The following MAP3K6 variants were observed in gnomAD, a reference collection of about 807,000 sequenced individuals.
The protein encoded by MAP3K6 is mitogen-activated protein kinase kinase kinase 6.
MAP3K6 carries 105 observed loss-of-function variants against 147.1 expected under a neutral mutation model. The observed-to-expected ratio is 0.71, with a 90% CI of 0.61 to 0.84. MAP3K6 has a LOEUF of 0.84. Ranked by LOEUF, MAP3K6 falls within the 40% of genes least tolerant of loss-of-function variation. The probability of loss-of-function intolerance (pLI) is 0.00; values close to 1 mark genes in which losing one functional copy is unlikely to be tolerated. For synonymous variants in MAP3K6, 695 were observed against 732.4 expected (o/e 0.95, Z 0.82); for missense variants, 1,569 against 1,715.0 (o/e 0.91, Z 1.50).
chr1:27,355,992 G>A, intron 27 of MAP3K6, 34 bp downstream of exon 27: 1 of 1,598,866 alleles, frequency 6.3e-7, no homozygotes, highest in Non-Finnish European at 8.6e-7. Flanking sequence ...TTTGGCTGGT[G>A]AGGTCAGGGA....
At position 27,366,498 on chromosome 1, in the gene MAP3K6, G is replaced by A. The variant is rs2148063874; in HGVS notation, c.100C>T (p.Pro34Ser). Residue 34 changes from proline (P) to serine (S), a missense_variant, in exon 1 of 29, where the codon CCC becomes TCC. Coordinates refer to ENST00000357582, the MANE Select transcript of MAP3K6 (RefSeq NM_004672.5). This position sits in a 1 kb window ranked among gnomAD's most constrained non-coding sequence, Gnocchi z 5.5. ...CTCCGCGCGCAGCCCCGGCCCGGGGGCGCCGCGAGCTGCCGGCCCCGGCTC... is the reference window on the plus strand; with the variant it reads ...CTCCGCGCGCAGCCCCGGCCCGGGGACGCCGCGAGCTGCCGGCCCCGGCTC... ...ALSRGRQLAAPPGRGCARSRP... is the reference protein window; with the variant it reads ...ALSRGRQLAASPGRGCARSRP... 3 of 1,123,426 alleles carry A rather than the reference G, an allele frequency of 2.7e-6. No homozygotes were observed. The highest frequency in any genetic ancestry group is 5.0e-5 in the Admixed American group (1 of 20,186). The allele number at this position is 1,123,426 out of a possible 1,614,324, so 69.6% of individuals were successfully genotyped here.
In MAP3K6 at chr1:27,358,477, C is replaced by T; in HGVS notation, c.2718G>A (p.Leu906=). 1.3e-6 allele frequency: 2 copies of T among 1,595,606 alleles called. No homozygotes were observed. Among genetic ancestry groups the T allele is most frequent in the Non-Finnish European group, 1.7e-6 (2 of 1,174,834 alleles). Residue 906 remains leucine (L), a synonymous_variant, in exon 20 of 29, where the codon CTG becomes CTA. Coordinates refer to ENST00000357582, the MANE Select transcript of MAP3K6 (RefSeq NM_004672.5). This position sits in a 1 kb window ranked among gnomAD's most constrained non-coding sequence, Gnocchi z 6.2. Reference sequence around the variant, plus strand: ...GGCTGCGGCTCCTTTTCCCAGGCTGCAGGAAGGGGTCCCCCAGCAGTGTCT... The same window carrying T: ...GGCTGCGGCTCCTTTTCCCAGGCTGTAGGAAGGGGTCCCCCAGCAGTGTCT... ...SAQTLLGDPF[L]QPGKRSRSPS...
Position 27,357,436 on chromosome 1 carries a change from C to G in MAP3K6, c.3222G>C (p.Ala1074=). The change falls in exon 23 of 29, where the codon GCG becomes GCC. Residue 1074 remains alanine, a synonymous_variant. Coordinates refer to ENST00000357582, the MANE Select transcript of MAP3K6 (RefSeq NM_004672.5). ...GRLRAQGLGP[A]LLHRPLFAFP... ...AGGCAAACAGCGGTCTGTGCAGAAG[C>G]GCAGGCCCAAGGCCCTGGGCCCTCA... is the stretch of plus-strand genomic sequence containing the variant. 2 of 1,612,522 alleles carry G rather than the reference C, an allele frequency of 1.2e-6. No individual in the cohort carries two copies. The highest frequency in any genetic ancestry group is 2.2e-5 in the South Asian group (2 of 90,992).
chr1:27,362,640 C>G lies in MAP3K6; in HGVS notation c.1255+1G>C. 5 of 1,576,222 alleles carry G rather than the reference C, an allele frequency of 3.2e-6. No individual in the cohort carries two copies. The highest frequency in any genetic ancestry group is 4.3e-6 in the Non-Finnish European group (5 of 1,158,898). ...AGACAAGAGCCAGGATCTGTGCTCACCTATTAGCCGGAGCTCTTTGGAATC... is the reference window on the plus strand; with the variant it reads ...AGACAAGAGCCAGGATCTGTGCTCAGCTATTAGCCGGAGCTCTTTGGAATC... On this transcript the variant is annotated splice_donor_variant, in intron 8 of 28. Coordinates refer to ENST00000357582, the MANE Select transcript of MAP3K6 (RefSeq NM_004672.5). LOFTEE classifies it high-confidence loss of function.
In MAP3K6 at chr1:27,361,780, G is replaced by A; in HGVS notation, c.1503C>T (p.Ala501=). ...GTAGCAAGAAGTGGAGCCAGAAGTG[G>A]GCACGGCGTGGTGGCCCTCCAGGGG... ...PEPPGGPPRR[A]HFWLHFLLQS... is the part of the protein sequence containing the mutation. Residue 501 remains alanine, a synonymous_variant, in exon 10 of 29, where the codon GCC becomes GCT. Coordinates refer to ENST00000357582, the MANE Select transcript of MAP3K6 (RefSeq NM_004672.5). 6.2e-7 allele frequency: 1 copy of A among 1,612,446 alleles called. No individual in the cohort carries two copies. Among genetic ancestry groups the A allele is most frequent in the Non-Finnish European group, 8.5e-7 (1 of 1,179,264 alleles).
In MAP3K6 at chr1:27,363,946, T is replaced by A; in HGVS notation, c.835A>T (p.Asn279Tyr). 1 of 1,606,220 alleles carries A rather than the reference T, an allele frequency of 6.2e-7. No homozygotes were observed. The highest frequency in any genetic ancestry group is 8.5e-7 in the Non-Finnish European group (1 of 1,178,308). Reference sequence around the variant, plus strand: ...ACATCGCGGTAGGAGAGCAGCAAGTTCATGATGATGTCGGGGCTCAGCAGC... The same window carrying A: ...ACATCGCGGTAGGAGAGCAGCAAGTACATGATGATGTCGGGGCTCAGCAGC... ...VELLSPDIIM[N>Y]LLLSYRDVQD... Residue 279 changes from asparagine (N) to tyrosine (Y), a missense_variant, in exon 5 of 29, where the codon AAC becomes TAC. Coordinates refer to ENST00000357582, the MANE Select transcript of MAP3K6 (RefSeq NM_004672.5).
intron 24 of MAP3K6, 125 bp downstream of exon 24, chr1:27,356,884 C>T: frequency 7.1e-7 from 1 of 1,412,296 alleles, no homozygotes; most frequent in African/African-American, 1.4e-5. Flanking sequence ...TCCATTTAGT[C>T]ACGCCCCCAC....
intron 6 of MAP3K6, 103 bp downstream of exon 6, chr1:27,363,339 C>G: frequency 5.2e-6 from 5 of 958,310 alleles, no homozygotes; most frequent in Non-Finnish European, 7.7e-6. Flanking sequence ...TCAGCAAATT[C>G]CCCGAACAGC....
At position 27,366,813 on chromosome 1, in the gene MAP3K6, T is replaced by A; in HGVS notation, c.-216A>T. ...TCGGACTTGCAAGGTCCTGAGGTTC[T>A]GAAATCCGGGATTGGGTCCCAGGAA... On this transcript the variant is annotated 5_prime_UTR_variant, in exon 1 of 29. Coordinates refer to ENST00000357582, the MANE Select transcript of MAP3K6 (RefSeq NM_004672.5). The surrounding 1 kb of genome is among the most constrained non-coding windows in gnomAD (Gnocchi z 5.5). The A allele has an allele frequency of 4.7e-6, 1 of 210,800 alleles. No individual in the cohort carries two copies. The highest frequency in any genetic ancestry group is 8.4e-6 in the Non-Finnish European group (1 of 119,730). 13.1% of individuals were successfully genotyped at this position (210,800 alleles called of 1,614,324 possible).
Position 27,361,359 on chromosome 1 carries a change from T to C in MAP3K6, c.1723A>G (p.Ile575Val). Residue 575 changes from isoleucine to valine, a missense_variant, in exon 12 of 29, where the codon ATA becomes GTA. Coordinates refer to ENST00000357582, the MANE Select transcript of MAP3K6 (RefSeq NM_004672.5). ...CCCGCCTATCACCTGACTCCGCATA[T>C]GGAGGCGACTGGGAAGGTCCAGCTG... The part of the protein sequence containing the change: ...PSSWTFPVAS[I>V]CGVSASKRDE... The C allele has an allele frequency of 6.2e-7, 1 of 1,613,892 alleles. No individual in the cohort carries two copies. Among genetic ancestry groups the C allele is most frequent in the Non-Finnish European group, 8.5e-7 (1 of 1,179,966 alleles).
At position 27,364,894 on chromosome 1, in the gene MAP3K6, A is replaced by C; in HGVS notation, c.359T>G (p.Val120Gly). The C allele has an allele frequency of 6.3e-7, 1 of 1,594,120 alleles. No individual in the cohort carries two copies. ...FYNADVVVLE[V>G]SSSLVQPSLF... is the part of the protein sequence containing the mutation. Reference sequence around the variant, plus strand: ...GGAGGGCTGTACCAGCGAGCTGCTCACCTCCAGCACCACCACATCTGCAGG... The same window carrying C: ...GGAGGGCTGTACCAGCGAGCTGCTCCCCTCCAGCACCACCACATCTGCAGG... The change falls in exon 2 of 29, where the codon GTG becomes GGG. Residue 120 changes from valine to glycine, a missense_variant. Transcript: ENST00000357582. This position sits in a 1 kb window ranked among gnomAD's most constrained non-coding sequence, Gnocchi z 4.4.
chr1:27,364,971 CG>C lies in MAP3K6; in HGVS notation c.341-60del, dbSNP rs1376725515. On this transcript the variant is annotated intron_variant, in intron 1 of 28. Transcript: ENST00000357582. The surrounding 1 kb of genome is among the most constrained non-coding windows in gnomAD (Gnocchi z 4.4). ...AAGCCCAGCTTGATGGGGAAGGAGC[CG>C]GGGTCCATCCTGGCTTGACCTGCCT... 29 of 1,526,446 alleles carry C rather than the reference CG, an allele frequency of 1.9e-5. No homozygotes were observed. Among genetic ancestry groups the C allele is most frequent in the Non-Finnish European group, 2.4e-5 (27 of 1,133,126 alleles). 94.6% of individuals were successfully genotyped at this position (1,526,446 alleles called of 1,614,324 possible). A position where few individuals can be genotyped will look rare whatever the true frequency, so the allele number is the denominator to read the frequency against.
Position 27,366,467 on chromosome 1 carries a change from G to T in MAP3K6, c.131C>A (p.Pro44Gln). ...GGTCAGCACGTAGACCACGCTGAGCGGCCGGCTCCGCGCGCAGCCCCGGCC... is the reference window on the plus strand; with the variant it reads ...GGTCAGCACGTAGACCACGCTGAGCTGCCGGCTCCGCGCGCAGCCCCGGCC... The part of the protein sequence containing the change: ...PPGRGCARSR[P>Q]LSVVYVLTRE... Residue 44 changes from proline (P) to glutamine (Q), a missense_variant, in exon 1 of 29, where the codon CCG becomes CAG. By Grantham distance (76) the Pro-to-Gln change is moderately conservative. Coordinates refer to ENST00000357582, the MANE Select transcript of MAP3K6 (RefSeq NM_004672.5). This position sits in a 1 kb window ranked among gnomAD's most constrained non-coding sequence, Gnocchi z 5.5. The T allele has an allele frequency of 8.4e-7, 1 of 1,186,174 alleles. No individual in the cohort carries two copies. The highest frequency in any genetic ancestry group is 4.1e-5 in the South Asian group (1 of 24,116). The allele number at this position is 1,186,174 out of a possible 1,614,324, so 73.5% of individuals were successfully genotyped here. A position where few individuals can be genotyped will look rare whatever the true frequency, so the allele number is the denominator to read the frequency against.
Position 27,358,736 on chromosome 1 carries a change from G to A in MAP3K6, c.2556C>T (p.Leu852=), listed in dbSNP as rs755931721. Residue 852 remains leucine (L), a synonymous_variant, in exon 19 of 29, where the codon CTC becomes CTT. Coordinates refer to ENST00000357582, the MANE Select transcript of MAP3K6 (RefSeq NM_004672.5). This position sits in a 1 kb window ranked among gnomAD's most constrained non-coding sequence, Gnocchi z 6.2. ...MATGRPPFHE[L]GSPQAAMFQV... ...GAAACATGGCAGCCTGTGGGCTCCCGAGCTCGTGGAAGGGGGGGCGACCTG... is the reference window on the plus strand; with the variant it reads ...GAAACATGGCAGCCTGTGGGCTCCCAAGCTCGTGGAAGGGGGGGCGACCTG... 3.5e-5 allele frequency: 56 copies of A among 1,613,928 alleles called. No homozygotes were observed. The highest frequency in any genetic ancestry group is 2.2e-4 in the East Asian group (10 of 44,882).
chr1:27,356,883 T>G lies in MAP3K6; in HGVS notation c.3364+126A>C, dbSNP rs2015547012. The G allele has an allele frequency of 2.1e-6, 3 of 1,413,360 alleles. No homozygotes were observed. The Admixed American group carries it at 6.3e-5, about 30-fold the overall frequency. The allele number at this position is 1,413,360 out of a possible 1,614,324, so 87.6% of individuals were successfully genotyped here. On this transcript the variant is annotated intron_variant, in intron 24 of 28. Transcript: ENST00000357582. The stretch of plus-strand genomic sequence containing the variant: ...GCCGGTATGGGAGATGTCCATTTAG[T>G]CACGCCCCCACCGGCGCCTGCCTGC...
At position 27,355,371 on chromosome 1, in the gene MAP3K6, A is replaced by G. The variant is rs763889833; in HGVS notation, c.*20T>C. The G allele has an allele frequency of 1.1e-5, 18 of 1,608,748 alleles. No individual in the cohort carries two copies. In the South Asian group the frequency reaches 1.8e-4, roughly 16 times the overall value. On this transcript the variant is annotated 3_prime_UTR_variant, in exon 29 of 29. Coordinates refer to ENST00000357582, the MANE Select transcript of MAP3K6 (RefSeq NM_004672.5). Reference sequence around the variant, plus strand: ...ATCCATCCTTGGGCCTGTCTGGCCTATGATGCCCTCATTCAGCTCTCAGGG... The same window carrying G: ...ATCCATCCTTGGGCCTGTCTGGCCTGTGATGCCCTCATTCAGCTCTCAGGG...
Position 27,362,218 on chromosome 1 carries a change from C to T in MAP3K6, c.1288G>A (p.Gly430Ser). Residue 430 changes from glycine (G) to serine (S), a missense_variant, in exon 9 of 29, where the codon GGC becomes AGC. Coordinates refer to ENST00000357582, the MANE Select transcript of MAP3K6 (RefSeq NM_004672.5). The part of the protein sequence containing the change: ...MKLGCLLARK[G>S]CVEKMQYYWD... ...TAATACTGCATCTTCTCCACGCAGC[C>T]TTTGCGGGCCAGCAGGCAGCCCAGC... 1 of 1,613,004 alleles carries T rather than the reference C, an allele frequency of 6.2e-7. No homozygotes were observed. The highest frequency in any genetic ancestry group is 8.5e-7 in the Non-Finnish European group (1 of 1,179,740).
Position 27,357,330 on chromosome 1 carries a change from G to A in MAP3K6, c.3258+70C>T, listed in dbSNP as rs1298370737. ...GGGAATCTGGGAACGTCAAGTCCTG[G>A]CACCTCACCAGGCACGGGGAACTCA... is the stretch of plus-strand genomic sequence containing the variant. On this transcript the variant is annotated intron_variant, in intron 23 of 28. Transcript: ENST00000357582. 1.7e-5 allele frequency: 26 copies of A among 1,529,658 alleles called. No homozygotes were observed. In the Middle Eastern group the frequency reaches 5.3e-4, roughly 31 times the overall value. The allele number at this position is 1,529,658 out of a possible 1,614,324, so 94.8% of individuals were successfully genotyped here.
Position 27,356,058 on chromosome 1 carries a change from C to G in MAP3K6, c.3679G>C (p.Glu1227Gln), listed in dbSNP as rs148477596. Residue 1227 changes from glutamate (E) to glutamine (Q), a missense_variant, in exon 27 of 29, where the codon GAA becomes CAA. Coordinates refer to ENST00000357582, the MANE Select transcript of MAP3K6 (RefSeq NM_004672.5). ...ATGGTGCCTGAATCCACATTCAGTT[C>G]CTGTAGCCACTGCACCAGGCCCTGG... ...TDQGLVQWLQ[E>Q]LNVDSGTIQM... 1.2e-6 allele frequency: 2 copies of G among 1,614,078 alleles called. No homozygotes were observed. Among genetic ancestry groups the G allele is most frequent in the Non-Finnish European group, 1.7e-6 (2 of 1,180,056 alleles).
Sources: gnomAD v4.1 joint callset for allele counts on GRCh38, gnomAD v4.1.1 for gene constraint, Gnocchi (gnomAD v3.1) non-coding constraint, MANE v1.5 for transcripts, NCBI Gene and HGNC (gene_info 2026-07-23, HGNC 2026-07-21) for gene names.